The following SRBD1 variants were observed in gnomAD, a reference collection of about 807,000 sequenced individuals.
The protein encoded by SRBD1 is S1 RNA binding domain 1.
In SRBD1, 88 loss-of-function variants were observed where a neutral mutation model predicts 115.3. The observed-to-expected ratio is 0.76, with a 90% CI of 0.64 to 0.91. SRBD1 has a LOEUF of 0.91. SRBD1 is among the 40% of genes least tolerant of loss of function. The probability of loss-of-function intolerance (pLI) is 0.00; values close to 1 mark genes in which losing one functional copy is unlikely to be tolerated. For synonymous variants in SRBD1, 509 were observed against 407.7 expected (o/e 1.25, Z -2.99); for missense variants, 1,385 against 1,177.4 (o/e 1.18, Z -2.58).
chr2:45,607,589 G>A (rs1380988439), intron 1 of SRBD1, among the ~76,000 whole-genome samples: 2 of 151,814 alleles, frequency 1.3e-5, no homozygotes, highest in Admixed American at 6.6e-5. Flanking sequence ...AGTAGTGGGA[G>A]CATATGAGAA....
intron 19 of SRBD1, among the ~76,000 whole-genome samples, chr2:45,406,735 T>TC (rs756965402): frequency 1.3e-5 from 2 of 152,190 alleles, no homozygotes; most frequent in South Asian, 4.1e-4. Context: ...AGAATCCATT[T>TC]CCTACATACC....
At chr2:45,411,293 G>A (rs760190804) in intron 19 of SRBD1, among the ~76,000 whole-genome samples, 20 of 152,166 alleles carry the variant, frequency 1.3e-4, no homozygotes, top group Non-Finnish European at 2.8e-4. Context: ...ACTGAGAGTA[G>A]ACAGTATAAA....
chr2:45,438,111 G>C (rs940301606), intron 16 of SRBD1, among the ~76,000 whole-genome samples: 28 of 152,202 alleles, frequency 1.8e-4, no homozygotes, highest in African/African-American at 6.7e-4. Flanking sequence ...TGCATATGTG[G>C]CAGGAAGATT....
chr2:45,395,947 G>C (rs1053738983), intron 19 of SRBD1, among the ~76,000 whole-genome samples: 10 of 152,128 alleles, frequency 6.6e-5, no homozygotes, highest in African/African-American at 2.2e-4. Context: ...AGTGTGGTAA[G>C]TAATACTCAA....
intron 16 of SRBD1, among the ~76,000 whole-genome samples, chr2:45,442,596 G>C (rs547760968): frequency 6.6e-6 from 1 of 152,164 alleles, no homozygotes; most frequent in Non-Finnish European, 1.5e-5. Flanking sequence ...GAATCCTACG[G>C]TATAGGAACC....
intron 18 of SRBD1, among the ~76,000 whole-genome samples, chr2:45,417,241 T>A (rs533635133): frequency 6.6e-6 from 1 of 152,336 alleles, no homozygotes; most frequent in East Asian, 1.9e-4. Context: ...CATTTAAGTC[T>A]ATGATAAATC....
In SRBD1 at chr2:45,493,146, T is replaced by C. The variant is rs2103869359; in HGVS notation, c.1875-4815A>G. ...AAATGCCTAGCTCATCTCAAAGTTTTAAAAATAATTTATCTAAAAAACATT... is the reference window on the plus strand; with the variant it reads ...AAATGCCTAGCTCATCTCAAAGTTTCAAAAATAATTTATCTAAAAAACATT... On this transcript the variant is annotated intron_variant, in intron 14 of 20. Coordinates refer to ENST00000263736, the MANE Select transcript of SRBD1 (RefSeq NM_018079.5). Among the ~76,000 whole-genome samples, 3 of 152,338 alleles carry C rather than the reference T, an allele frequency of 2.0e-5. No individual in the cohort carries two copies. In the Middle Eastern group the frequency reaches 0.01, roughly 518 times the overall value.
chr2:45,596,988 TCACACACACACACA>T (rs36095012), intron 4 of SRBD1, among the ~76,000 whole-genome samples: 2 of 140,974 alleles, frequency 1.4e-5, no homozygotes, highest in East Asian at 4.2e-4. Flanking sequence ...CCCACAACCC[TCACACACACACACA>T]CACACACACA....
intron 14 of SRBD1, among the ~76,000 whole-genome samples, chr2:45,543,111 G>C (rs558261459): frequency 6.6e-6 from 1 of 152,106 alleles, no homozygotes; most frequent in Non-Finnish European, 1.5e-5. Flanking sequence ...AATTTTTCAC[G>C]AACATTTTCA....
At chr2:45,511,258 G>C (rs3770278) in intron 14 of SRBD1, among the ~76,000 whole-genome samples, 3 of 152,158 alleles carry the variant, frequency 2.0e-5, no homozygotes, top group Admixed American at 2.0e-4. Context: ...CCAAAGCTGC[G>C]TATCTTCGGA....
At chr2:45,522,190 T>A (rs957760906) in intron 14 of SRBD1, among the ~76,000 whole-genome samples, 3 of 142,952 alleles carry the variant, frequency 2.1e-5, no homozygotes, top group South Asian at 2.2e-4. Flanking sequence ...AAATCTGAAA[T>A]TTTTTTTTTT....
intron 16 of SRBD1, among the ~76,000 whole-genome samples, chr2:45,426,942 C>T (rs1668172365): frequency 6.6e-6 from 1 of 152,174 alleles, no homozygotes; most frequent in African/African-American, 2.4e-5. Flanking sequence ...TGCCTCTTCT[C>T]CTCTAAAGGA....
chr2:45,597,215 C>T (rs1268652458), intron 4 of SRBD1, among the ~76,000 whole-genome samples: 1 of 151,960 alleles, frequency 6.6e-6, no homozygotes, highest in Non-Finnish European at 1.5e-5. Context: ...GGTCAGAAGA[C>T]GGAGACCATT....
intron 4 of SRBD1, among the ~76,000 whole-genome samples, chr2:45,587,735 T>G (rs1004639659): frequency 6.6e-6 from 1 of 152,202 alleles, no homozygotes; most frequent in African/African-American, 2.4e-5. Context: ...GATGGATTAA[T>G]GCCAATTCTG....
In SRBD1 at chr2:45,586,676, C is replaced by G. The variant is rs375222506; in HGVS notation, c.649-902G>C. On this transcript the variant is annotated intron_variant, in intron 4 of 20. Transcript: ENST00000263736. ...TCCTCCAGCCTCAGCCTCCAAATAGCTGGGACTACAAGCCACGCCATCACA... is the reference window on the plus strand; with the variant it reads ...TCCTCCAGCCTCAGCCTCCAAATAGGTGGGACTACAAGCCACGCCATCACA... 2.9e-3 allele frequency among the ~76,000 whole-genome samples: 434 copies of G among 151,428 alleles called. 3 individuals are homozygous for G. Among genetic ancestry groups the G allele is most frequent in the Non-Finnish European group, 3.0e-3 (206 of 67,860 alleles).
chr2:45,599,599 C>T lies in SRBD1; in HGVS notation c.498G>A (p.Lys166=). The change falls in exon 4 of 21, where the codon AAG becomes AAA. Residue 166 remains lysine (K), a synonymous_variant. Transcript: ENST00000263736. ...STSTVWGGTC[K]KEENDDDFTF... is the part of the protein sequence containing the mutation. ...TAAAGTCATCGTCATTCTCTTCCTT[C>T]TTGCATGTACCTCCCCACACAGTGC... The T allele has an allele frequency of 6.2e-7, 1 of 1,614,216 alleles. No homozygotes were observed. The highest frequency in any genetic ancestry group is 8.5e-7 in the Non-Finnish European group (1 of 1,180,038).
chr2:45,428,758 A>G (rs2103665976), intron 16 of SRBD1, among the ~76,000 whole-genome samples: 1 of 152,230 alleles, frequency 6.6e-6, no homozygotes, highest in East Asian at 1.9e-4. Context: ...TAAAAGAACT[A>G]GAGAAGCAAG....
chr2:45,397,075 C>T (rs760899655), intron 19 of SRBD1, among the ~76,000 whole-genome samples: 3 of 151,986 alleles, frequency 2.0e-5, no homozygotes, highest in African/African-American at 4.8e-5. Context: ...AATGGAGTAA[C>T]GCAACAAGCA....
chr2:45,437,651 T>C (rs4953233), intron 16 of SRBD1, among the ~76,000 whole-genome samples: 145,901 of 152,308 alleles, frequency 0.96, 69,937 homozygotes, highest in East Asian at 1. Flanking sequence ...TCACCTGAGC[T>C]CAGGAGGCGG....
Sources: gnomAD v4.1 joint callset for allele counts (sites outside exome capture counted in the v4.1 genomes callset) on GRCh38, gnomAD v4.1.1 for gene constraint, MANE v1.5 for transcripts, NCBI Gene and HGNC (gene_info 2026-07-23, HGNC 2026-07-21) for gene names.